Variants in AK6 observed in about 807,000 individuals in gnomAD.
AK6 encodes the protein adenylate kinase isoenzyme 6.
AK6 carries 24 observed loss-of-function variants against 23.7 expected under a neutral mutation model. The ratio of observed to expected loss-of-function variants is 1.01; its 90% confidence interval spans 0.73 to 1.43. The LOEUF (loss-of-function observed/expected upper bound fraction) is 1.43. Among genes scored for constraint, AK6 ranks in the 40% most tolerant of loss-of-function variants. AK6 has a pLI of 0.00. For missense variants in AK6, 191 were observed against 199.1 expected (o/e 0.96, Z 0.24); for synonymous variants, 73 against 69.8 (o/e 1.05, Z -0.23).
chr5:69,364,548 G>T (rs1169186291), intron 2 of AK6, among the ~76,000 whole-genome samples: 1 of 152,156 alleles, frequency 6.6e-6, no homozygotes, highest in Non-Finnish European at 1.5e-5. Flanking sequence ...CAATCTGAGA[G>T]AACAGATCAC....
At chr5:69,360,833 T>C (rs973140101) in intron 2 of AK6, among the ~76,000 whole-genome samples, 9 of 152,198 alleles carry the variant, frequency 5.9e-5, no homozygotes, top group African/African-American at 2.2e-4. Flanking sequence ...AGCTAGTCTT[T>C]AGCTCAGAAG....
intron 2 of AK6, among the ~76,000 whole-genome samples, chr5:69,361,377 C>T (rs946156921): frequency 1.3e-5 from 2 of 151,892 alleles, no homozygotes; most frequent in Non-Finnish European, 2.9e-5. Flanking sequence ...CACCTCGGCT[C>T]CCCACAGTGC....
At chr5:69,353,321 G>A (rs992945833) in intron 4 of AK6, among the ~76,000 whole-genome samples, 6 of 151,830 alleles carry the variant, frequency 4.0e-5, no homozygotes, top group Non-Finnish European at 5.9e-5. Flanking sequence ...TTTTTGAGAC[G>A]GAGTCTTGCT....
chr5:69,367,056 G>T (rs1346965764), intron 1 of AK6, among the ~76,000 whole-genome samples: 1 of 152,002 alleles, frequency 6.6e-6, no homozygotes, highest in Admixed American at 6.6e-5. Context: ...ACCATGCCTG[G>T]CCATATGTAA....
rs550937685 is a variant in AK6, at chr5:69,355,873, T to C, written c.180+22A>G. The C allele has an allele frequency of 9.2e-5, 148 of 1,603,288 alleles. 1 individual carries two copies. Among genetic ancestry groups the C allele is most frequent in the South Asian group, 7.2e-4 (64 of 88,470 alleles). ...CCTATGAAATTCAACAAATGCATAC[T>C]TTATGAAAAAGTCATACTTACTCTG... is the stretch of plus-strand genomic sequence containing the variant. On this transcript the variant is annotated intron_variant, in intron 3 of 4. Coordinates refer to ENST00000380822, the MANE Select transcript of AK6 (RefSeq NM_016283.5).
At chr5:69,355,013 T>C (rs1447670116) in intron 4 of AK6, among the ~76,000 whole-genome samples, 2 of 152,046 alleles carry the variant, frequency 1.3e-5, no homozygotes, top group African/African-American at 2.4e-5. Context: ...GCATTTTTAG[T>C]AGTGACAGGA....
At chr5:69,353,185 A>T (rs1355226193) in intron 4 of AK6, among the ~76,000 whole-genome samples, 2 of 152,216 alleles carry the variant, frequency 1.3e-5, no homozygotes, top group Non-Finnish European at 2.9e-5. Flanking sequence ...TGAAATATCT[A>T]GTATAGACAA....
At chr5:69,367,658 T>TC (rs1236654577) in intron 1 of AK6, among the ~76,000 whole-genome samples, 1 of 151,978 alleles carries the variant, frequency 6.6e-6, no homozygotes, top group Non-Finnish European at 1.5e-5. Flanking sequence ...GCTCAAGCAA[T>TC]CCTCCCATCT....
rs112471456 is a variant in AK6 at position 69,358,389 on chromosome 5, C to T, written c.122-2436G>A. Among the ~76,000 whole-genome samples the T allele has an allele frequency of 3.5e-4, 53 of 151,788 alleles. 2 individuals carry two copies. The highest frequency in any genetic ancestry group is 1.1e-3 in the African/African-American group (47 of 41,410). On this transcript the variant is annotated intron_variant, in intron 2 of 4. Transcript: ENST00000380822. The stretch of plus-strand genomic sequence containing the variant: ...TACAAAAGTTAGCCAGGCGTGGTGG[C>T]GGGTGCCTGTAATCCCAGCTGCTTG...
intron 2 of AK6, chr5:69,365,281 C>G (rs777946054): frequency 1.5e-5 from 24 of 1,614,082 alleles, no homozygotes; most frequent in Non-Finnish European, 2.0e-5. Context: ...CTGCTAGTAA[C>G]TGAACCAACA....
rs751087221 is a variant in AK6 at position 69,369,483 on chromosome 5, A to C, written c.8T>G (p.Leu3Arg). The C allele has an allele frequency of 6.2e-7, 1 of 1,611,304 alleles. No homozygotes were observed. The highest frequency in any genetic ancestry group is 2.2e-5 in the East Asian group (1 of 44,802). The change falls in exon 1 of 5, where the codon CTT becomes CGT. Residue 3 changes from leucine (L) to arginine (R), a missense_variant. Transcript: ENST00000380822. MLLPNILLTGTPG... is the reference protein window; with the variant it reads MLRPNILLTGTPG... ...CTGACCGGTGAGCAGGATGTTCGGA[A>C]GCAACATGGTCCCCGCCGCGACGGC...
chr5:69,364,079 TTC>T (rs1234227581), intron 2 of AK6, among the ~76,000 whole-genome samples: 4 of 151,978 alleles, frequency 2.6e-5, no homozygotes, highest in African/African-American at 9.7e-5. Context: ...CAAAATGAAA[TTC>T]TGTCTCAGGA....
At chr5:69,360,466 A>C (rs925252424) in intron 2 of AK6, among the ~76,000 whole-genome samples, 2 of 152,204 alleles carry the variant, frequency 1.3e-5, no homozygotes, top group Non-Finnish European at 2.9e-5. Flanking sequence ...AGCTGTAAAC[A>C]TCTGGGAACT....
Position 69,366,593 on chromosome 5 carries a change from T to A in AK6, c.31A>T (p.Thr11Ser). The A allele has an allele frequency of 6.2e-7, 1 of 1,611,652 alleles. No homozygotes were observed. Among genetic ancestry groups the A allele is most frequent in the Non-Finnish European group, 8.5e-7 (1 of 1,177,836 alleles). MLLPNILLTG[T>S]PGVGKTTLGK... ...AGTGTGGTTTTTCCAACCCCTGGTG[T>A]ACCTGTAAGACAAGCCACAGAAAAA... Residue 11 changes from threonine (T) to serine (S), a missense_variant and splice_region_variant, in exon 2 of 5, where the codon ACA becomes TCA. Coordinates refer to ENST00000380822, the MANE Select transcript of AK6 (RefSeq NM_016283.5).
chr5:69,366,785 T>C, intron 1 of AK6, 190 bp from the exon 2 acceptor site: 1 of 573,278 alleles, frequency 1.7e-6, no homozygotes, highest in Non-Finnish European at 3.1e-6. Flanking sequence ...TGAGACAGAG[T>C]TTCACTCTTG....
At chr5:69,355,343 G>A (rs1762054338) in intron 4 of AK6, 2 of 262,402 alleles carry the variant, frequency 7.6e-6, no homozygotes, top group African/African-American at 4.5e-5. Flanking sequence ...AGACCAGTCT[G>A]GGCAACATGG....
chr5:69,365,819 T>C (rs1307809402), intron 2 of AK6: 4 of 1,199,980 alleles, frequency 3.3e-6, no homozygotes, highest in Non-Finnish European at 3.4e-6. Flanking sequence ...TAGTAGCAAC[T>C]GTCAGGAACT....
At chr5:69,365,479 G>C (rs757406172) in intron 2 of AK6, 14 of 1,614,184 alleles carry the variant, frequency 8.7e-6, no homozygotes, top group Non-Finnish European at 1.0e-5. Flanking sequence ...TCTCTTGGGG[G>C]AGGAGAGGTA....
chr5:69,354,103 A>T (rs1269240957), intron 4 of AK6, among the ~76,000 whole-genome samples: 1 of 152,146 alleles, frequency 6.6e-6, no homozygotes, highest in Non-Finnish European at 1.5e-5. Flanking sequence ...TGCCCAGCCT[A>T]AAGCTGTTAC....
Sources: gnomAD v4.1 joint callset for allele counts (sites outside exome capture counted in the v4.1 genomes callset) on GRCh38, gnomAD v4.1.1 for gene constraint, MANE v1.5 for transcripts, NCBI Gene and HGNC (gene_info 2026-07-23, HGNC 2026-07-21) for gene names.